SORBS2: variants seen among roughly 807,000 people sequenced by gnomAD.
The protein encoded by SORBS2 is sorbin and SH3 domain-containing protein 2.
Under a neutral mutation model 97.7 loss-of-function variants are expected in SORBS2, and 46 were observed. The observed-to-expected ratio is 0.47, with a 90% CI of 0.37 to 0.60. The LOEUF is 0.60. Ranked by LOEUF, SORBS2 falls within the 20% of genes least tolerant of loss-of-function variation. SORBS2 has a pLI of 0.00. For missense variants in SORBS2, 1,316 were observed against 1,282.3 expected, an observed-to-expected ratio of 1.03 and a Z score of -0.40; for synonymous variants, 476 against 473.4, an observed-to-expected ratio of 1.01 and a Z score of -0.07.
chr4:185,886,563 A>AAAAAAAAAGAAAAAAAAAG (rs1554046510), intron 1 of SORBS2, among the ~76,000 whole-genome samples: 4 of 127,614 alleles, frequency 3.1e-5, no homozygotes, highest in Non-Finnish European at 5.2e-5. Context: ...TCAAAAAAAA[A>AAAAAAAAAGAAAAAAAAAG]AAAAAAAAAA....
rs2096750381 is a variant in SORBS2 at position 185,623,386 on chromosome 4, G to A, written c.1743C>T (p.Ala581=). Reference sequence around the variant, plus strand: ...TGGGCTCCTCGGTGTTTTCGTGTCTGGCTCTTTCGTGTTTTAACATTGTGG... The same window carrying A: ...TGGGCTCCTCGGTGTTTTCGTGTCTAGCTCTTTCGTGTTTTAACATTGTGG... Residue 581 remains alanine (A), a synonymous_variant, in exon 7 of 15, where the codon GCC becomes GCT. Coordinates refer to ENST00000418609, the Ensembl canonical transcript of SORBS2. The surrounding 1 kb of genome is among the most constrained non-coding windows in gnomAD (Gnocchi z 6.4). 6.2e-7 allele frequency: 1 copy of A among 1,612,538 alleles called. No homozygotes were observed. The highest frequency in any genetic ancestry group is 1.1e-5 in the South Asian group (1 of 91,082).
intron 1 of SORBS2, among the ~76,000 whole-genome samples, chr4:185,857,068 G>T (rs897154226): frequency 2.0e-5 from 3 of 152,158 alleles, no homozygotes; most frequent in Admixed American, 6.5e-5. Flanking sequence ...GACCATAACA[G>T]GAAGTAACTA....
intron 2 of SORBS2, 133 bp downstream of exon 11, chr4:185,651,650 GA>G: frequency 2.9e-6 from 2 of 688,328 alleles, no homozygotes; most frequent in Non-Finnish European, 5.2e-6. Flanking sequence ...TCTGAGAAAA[GA>G]AAAGAAATCC....
exon 7 of SORBS2, chr4:185,624,440 C>A: frequency 6.2e-7 from 1 of 1,613,852 alleles, no homozygotes; most frequent in Non-Finnish European, 8.5e-7. Flanking sequence ...GGAGGGGTTG[C>A]CGTTGAGCCC....
chr4:185,891,155 A>G (rs2099242321), intron 1 of SORBS2, among the ~76,000 whole-genome samples: 1 of 151,998 alleles, frequency 6.6e-6, no homozygotes, highest in African/African-American at 2.4e-5. Flanking sequence ...TTATTCTAAT[A>G]CTTTTTTATT....
intron 1 of SORBS2, among the ~76,000 whole-genome samples, chr4:185,936,106 G>A (rs899803077): frequency 6.6e-6 from 1 of 152,210 alleles, no homozygotes; most frequent in African/African-American, 2.4e-5. Context: ...TGATTAGCCC[G>A]ACTCGGCCTC....
chr4:185,925,407 A>G (rs2099263115), intron 1 of SORBS2, among the ~76,000 whole-genome samples: 1 of 142,432 alleles, frequency 7.0e-6, no homozygotes, highest in Non-Finnish European at 1.6e-5. Flanking sequence ...ACAAAATAGC[A>G]CATTTTTTTT....
chr4:185,877,076 T>C (rs2099234080), intron 1 of SORBS2, among the ~76,000 whole-genome samples: 1 of 152,190 alleles, frequency 6.6e-6, no homozygotes. Context: ...AATAAAATTA[T>C]CCATAATAAC....
chr4:185,846,937 G>A (rs779879953), intron 1 of SORBS2, among the ~76,000 whole-genome samples: 16 of 152,238 alleles, frequency 1.1e-4, no homozygotes, highest in Non-Finnish European at 2.2e-4. Flanking sequence ...ACTAGGGAAA[G>A]GAAAGAATGA....
chr4:185,834,861 T>C (rs1054951329), intron 1 of SORBS2, among the ~76,000 whole-genome samples: 6 of 152,178 alleles, frequency 3.9e-5, no homozygotes, highest in Non-Finnish European at 8.8e-5. Context: ...CATGCAAAGT[T>C]ATAAAATAAC....
At chr4:185,673,937 C>T (rs1023617169) in intron 4 of SORBS2, among the ~76,000 whole-genome samples, 2 of 152,152 alleles carry the variant, frequency 1.3e-5, no homozygotes, top group East Asian at 1.9e-4. Flanking sequence ...CCCAGATTTC[C>T]TCCTCCCTTA....
chr4:185,900,120 C>A (rs968363785), intron 1 of SORBS2, among the ~76,000 whole-genome samples: 1 of 152,002 alleles, frequency 6.6e-6, no homozygotes, highest in Non-Finnish European at 1.5e-5. Context: ...ATAGTAAGAA[C>A]CCATCTCTAA....
At chr4:185,812,782 T>C (rs1401095800) in intron 1 of SORBS2, among the ~76,000 whole-genome samples, 3 of 152,216 alleles carry the variant, frequency 2.0e-5, no homozygotes, top group Non-Finnish European at 2.9e-5. Context: ...GCTCAACTTA[T>C]CTGATTACTT....
chr4:185,666,010 A>C, intron 4 of SORBS2: 6 of 1,288,422 alleles, frequency 4.7e-6, no homozygotes, highest in Non-Finnish European at 6.1e-6. Flanking sequence ...GGGATTATGC[A>C]GGCGTGAAGA....
At chr4:185,881,551 A>G (rs1436274101) in intron 1 of SORBS2, among the ~76,000 whole-genome samples, 2 of 152,240 alleles carry the variant, frequency 1.3e-5, no homozygotes, top group African/African-American at 2.4e-5. Flanking sequence ...TAGGCTAACC[A>G]TAAATCTCTA....
intron 1 of SORBS2, among the ~76,000 whole-genome samples, chr4:185,784,498 G>A (rs958370181): frequency 2.0e-5 from 3 of 152,034 alleles, no homozygotes; most frequent in Non-Finnish European, 4.4e-5. Flanking sequence ...ATTCTGTGGG[G>A]GTGCATGCTA....
At chr4:185,728,455 T>G (rs1442224501) in intron 2 of SORBS2, among the ~76,000 whole-genome samples, 1 of 152,222 alleles carries the variant, frequency 6.6e-6, no homozygotes, top group Non-Finnish European at 1.5e-5. Context: ...TTATCTCTTA[T>G]GCTCTGGATG....
At chr4:185,798,062 A>C (rs2099113947) in intron 1 of SORBS2, among the ~76,000 whole-genome samples, 1 of 152,198 alleles carries the variant, frequency 6.6e-6, no homozygotes, top group Non-Finnish European at 1.5e-5. Context: ...CACTGAACAT[A>C]CGCAGCCTGG....
chr4:185,604,549 C>G (rs528294418), intron 12 of SORBS2, among the ~76,000 whole-genome samples: 2 of 152,098 alleles, frequency 1.3e-5, no homozygotes, highest in East Asian at 1.9e-4. Context: ...CGAGGAAAGA[C>G]GAGAGGTGAT....
Sources: gnomAD v4.1 joint callset for allele counts (sites outside exome capture counted in the v4.1 genomes callset) on GRCh38, gnomAD v4.1.1 for gene constraint, Gnocchi (gnomAD v3.1) non-coding constraint, MANE v1.5 for transcripts, NCBI Gene and HGNC (gene_info 2026-07-23, HGNC 2026-07-21) for gene names.